APC2: variants seen among roughly 807,000 people sequenced by gnomAD.
APC2 encodes the protein adenomatous polyposis coli protein 2.
In APC2, 41 loss-of-function variants were observed where a neutral mutation model predicts 72.5. That is an observed-to-expected ratio of 0.57 (90% CI 0.44 to 0.73). The LOEUF (loss-of-function observed/expected upper bound fraction) is 0.73. Among genes scored for constraint, APC2 ranks in the 30% least tolerant of loss-of-function variants. The probability of loss-of-function intolerance (pLI) is 0.00; values close to 1 mark genes in which losing one functional copy is unlikely to be tolerated. For synonymous variants in APC2, 1,898 were observed against 1,612.0 expected, an observed-to-expected ratio of 1.18 and a Z score of -4.25; for missense variants, 3,729 against 3,403.4, an observed-to-expected ratio of 1.10 and a Z score of -2.38.
chr19:1,450,109 C>G (rs2083725273), upstream of APC2: 2 of 981,910 alleles, frequency 2.0e-6, no homozygotes, highest in African/African-American at 3.5e-5. Context: ...CATCCCGCAT[C>G]CTCCCCCGCT....
chr19:1,457,958 C>A lies in APC2; in HGVS notation c.1208-7C>A. The A allele has an allele frequency of 6.5e-7, 1 of 1,548,028 alleles. No individual in the cohort carries two copies. The highest frequency in any genetic ancestry group is 8.7e-7 in the Non-Finnish European group (1 of 1,147,752). ...TGGGGGCTCTGATCTGGTCCCTGTG[C>A]CCACAGCCCCGATCCCCATCGAGCC... On this transcript the variant is annotated splice_polypyrimidine_tract_variant and splice_region_variant and intron_variant, in intron 9 of 14. Transcript: ENST00000590469.
At chr19:1,457,919 A>T (rs946348456) in intron 9 of APC2, 46 bp from the exon 10 acceptor site, 2 of 1,386,872 alleles carry the variant, frequency 1.4e-6, no homozygotes, top group African/African-American at 3.8e-5. Flanking sequence ...GTCACCTGGG[A>T]CATTTCCTGG....
chr19:1,446,958 G>A (rs574979174), upstream of APC2, among the ~76,000 whole-genome samples: 1 of 152,268 alleles, frequency 6.6e-6, no homozygotes, highest in Non-Finnish European at 1.5e-5. This position sits in a 1 kb window ranked among gnomAD's most constrained non-coding sequence, Gnocchi z 6.1. Context: ...GTCACGCTTC[G>A]AGGCCGGAGC....
Position 1,468,523 on chromosome 19 carries a change from C to A in APC2, c.5222C>A (p.Ala1741Glu). The A allele has an allele frequency of 6.2e-7, 1 of 1,602,428 alleles. No homozygotes were observed. Among genetic ancestry groups the A allele is most frequent in the Non-Finnish European group, 8.5e-7 (1 of 1,173,940 alleles). The change falls in exon 15 of 15, where the codon GCG becomes GAG. Residue 1741 changes from alanine (A) to glutamate (E), a missense_variant. Coordinates refer to ENST00000590469, the MANE Select transcript of APC2 (RefSeq NM_005883.3). ...CCCAAGCACAGGAAGGGACGACAGGCGGAGGGAGAAATGGGCAGTGCCCGG... is the reference window on the plus strand; with the variant it reads ...CCCAAGCACAGGAAGGGACGACAGGAGGAGGGAGAAATGGGCAGTGCCCGG... ...QPPKHRKGRQ[A>E]EGEMGSARRP...
In APC2 at chr19:1,466,404, C is replaced by G; in HGVS notation, c.3103C>G (p.His1035Asp). The change falls in exon 15 of 15, where the codon CAC (histidine) becomes GAC (aspartate). Residue 1035 changes from histidine to aspartate, a missense_variant. Physicochemically the swap from His to Asp is moderately conservative, Grantham distance 81. Coordinates refer to ENST00000590469, the MANE Select transcript of APC2 (RefSeq NM_005883.3). ...GAAGCAGGCCTGGCTGCCGGCAGAC[C>G]ACCTGAGCAAGGTTCCCGAGAAGCT... ...ARKQAWLPADHLSKVPEKLAA... is the reference protein window; with the variant it reads ...ARKQAWLPADDLSKVPEKLAA... The G allele has an allele frequency of 6.3e-7, 1 of 1,594,562 alleles. No individual in the cohort carries two copies. Among genetic ancestry groups the G allele is most frequent in the Non-Finnish European group, 8.5e-7 (1 of 1,176,488 alleles).
upstream of APC2, among the ~76,000 whole-genome samples, chr19:1,448,372 C>G (rs1204652707): frequency 6.6e-6 from 1 of 151,994 alleles, no homozygotes; most frequent in Admixed American, 6.6e-5. Context: ...CACGGTGAAA[C>G]CCCCTCTCTA....
In APC2 at chr19:1,456,362, C is replaced by T. The variant is rs1292298197; in HGVS notation, c.774C>T (p.Pro258=). 1.4e-5 allele frequency: 22 copies of T among 1,609,086 alleles called. No homozygotes were observed. Among genetic ancestry groups the T allele is most frequent in the Non-Finnish European group, 1.8e-5 (21 of 1,178,658 alleles). The change falls in exon 8 of 15, where the codon CCC becomes CCT. Residue 258 remains proline (P), a synonymous_variant. Coordinates refer to ENST00000590469, the MANE Select transcript of APC2 (RefSeq NM_005883.3). The stretch of plus-strand genomic sequence containing the variant: ...ACGAGGACCCCGAGACAGAGGTCCC[C>T]ACACACCCTGAGGATGGCACCCCTC... ...PVDEDPETEV[P]THPEDGTPQP...
In APC2 at chr19:1,457,263, G is replaced by C; in HGVS notation, c.1207+20G>C. 3 of 1,497,712 alleles carry C rather than the reference G, an allele frequency of 2.0e-6. No individual in the cohort carries two copies. The highest frequency in any genetic ancestry group is 2.7e-6 in the Non-Finnish European group (3 of 1,129,890). The allele number at this position is 1,497,712 out of a possible 1,614,324, so 92.8% of individuals were successfully genotyped here. ...GCAGCGGTGAGTGCCTGGCCTGGTG[G>C]GCCCCCTCCGCGCAATTAACGTGCA... On this transcript the variant is annotated intron_variant, in intron 9 of 14. Coordinates refer to ENST00000590469, the MANE Select transcript of APC2 (RefSeq NM_005883.3).
chr19:1,455,460 A>G lies in APC2; in HGVS notation c.599A>G (p.Glu200Gly). The change falls in exon 6 of 15, where the codon GAG (glutamate) becomes GGG (glycine). Residue 200 changes from glutamate to glycine, a missense_variant. Coordinates refer to ENST00000590469, the MANE Select transcript of APC2 (RefSeq NM_005883.3). Reference protein sequence around the residue: ...EAQHIRSLMEERFGTSDEMVQ... With the variant: ...EAQHIRSLMEGRFGTSDEMVQ... Reference sequence around the variant, plus strand: ...CAGCACATCCGCTCGCTGATGGAGGAGCGCTTCGGCACCTCGGACGAGATG... The same window carrying G: ...CAGCACATCCGCTCGCTGATGGAGGGGCGCTTCGGCACCTCGGACGAGATG... The G allele has an allele frequency of 1.2e-6, 2 of 1,605,712 alleles. No homozygotes were observed. Among genetic ancestry groups the G allele is most frequent in the Non-Finnish European group, 8.5e-7 (1 of 1,176,650 alleles).
In APC2 at chr19:1,466,631, G is replaced by A; in HGVS notation, c.3330G>A (p.Leu1110=). The change falls in exon 15 of 15, where the codon CTG becomes CTA. Residue 1110 remains leucine (L), a synonymous_variant. Transcript: ENST00000590469. ...LEEAGPSEAE[L]DSTWRAPGAT... ...AGGCCGGCCCCAGCGAGGCTGAGCT[G>A]GACAGCACGTGGCGGGCGCCCGGGG... is the stretch of plus-strand genomic sequence containing the variant. 1 of 1,511,448 alleles carries A rather than the reference G, an allele frequency of 6.6e-7. No individual in the cohort carries two copies. 93.6% of individuals were successfully genotyped at this position (1,511,448 alleles called of 1,614,324 possible).
chr19:1,448,638 G>T (rs1461821776), upstream of APC2, among the ~76,000 whole-genome samples: 1 of 151,604 alleles, frequency 6.6e-6, no homozygotes, highest in Non-Finnish European at 1.5e-5. Context: ...GAGGTCAGGA[G>T]ATCGAGACCA....
At chr19:1,455,545 G>A in intron 6 of APC2, 45 bp downstream of exon 6, 1 of 1,538,062 alleles carries the variant, frequency 6.5e-7, no homozygotes, top group Non-Finnish European at 8.9e-7. Flanking sequence ...GGGGCCCTGC[G>A]CCAGTGGGCA....
rs1306834255 is a variant in APC2, at chr19:1,456,895, G to A, written c.859G>A (p.Asp287Asn). The A allele has an allele frequency of 1.3e-6, 2 of 1,589,818 alleles. No homozygotes were observed. The highest frequency in any genetic ancestry group is 1.7e-6 in the Non-Finnish European group (2 of 1,175,066). ...GCTGTTGTCCATGTTGGCGACGCGC[G>A]ACCAGGAGGATACAGCGCGCACGCT... ...FWLLSMLATR[D>N]QEDTARTLLA... Residue 287 changes from aspartate (D) to asparagine (N), a missense_variant, in exon 9 of 15, where the codon GAC becomes AAC. Coordinates refer to ENST00000590469, the MANE Select transcript of APC2 (RefSeq NM_005883.3).
intron 14 of APC2, among the ~76,000 whole-genome samples, chr19:1,463,350 G>C (rs1041900169): frequency 1.3e-5 from 2 of 151,428 alleles, no homozygotes; most frequent in African/African-American, 4.9e-5. Flanking sequence ...CCCGGGAGGC[G>C]GAGGCTGCAG....
intron 14 of APC2, among the ~76,000 whole-genome samples, chr19:1,463,083 C>T (rs947192876): frequency 6.6e-6 from 1 of 151,910 alleles, no homozygotes; most frequent in Non-Finnish European, 1.5e-5. Flanking sequence ...CAAGATCAGC[C>T]TGACCAACAT....
Position 1,469,153 on chromosome 19 carries a change from CG to C in APC2, c.5855del (p.Gly1952AlafsTer44). The C allele has an allele frequency of 7.8e-7, 1 of 1,284,984 alleles. No individual in the cohort carries two copies. 79.6% of individuals were successfully genotyped at this position (1,284,984 alleles called of 1,614,324 possible). ...PPPLARAVPE[P>X]GPRGRAGTEA... is the part of the protein sequence containing the mutation. Reference sequence around the variant, plus strand: ...CCGCTGGCTCGGGCAGTCCCGGAGCCGGGCCCCAGGGGCCGGGCGGGGACCG... The same window carrying C: ...CCGCTGGCTCGGGCAGTCCCGGAGCCGGCCCCAGGGGCCGGGCGGGGACCG... On this transcript the variant is annotated frameshift_variant, in exon 15 of 15. Coordinates refer to ENST00000590469, the MANE Select transcript of APC2 (RefSeq NM_005883.3). LOFTEE classifies it low-confidence loss of function (END_TRUNC).
intron 11 of APC2, 28 bp from the exon 12 acceptor site, chr19:1,460,752 G>C (rs371471510): frequency 6.2e-7 from 1 of 1,607,070 alleles, no homozygotes; most frequent in South Asian, 1.1e-5. Context: ...TCCCAACCCC[G>C]TGACCCCGGC....
chr19:1,469,001 G>C lies in APC2; in HGVS notation c.5700G>C (p.Leu1900=). The change falls in exon 15 of 15, where the codon CTG becomes CTC. Residue 1900 remains leucine, a synonymous_variant. Coordinates refer to ENST00000590469, the MANE Select transcript of APC2 (RefSeq NM_005883.3). ...RPPVTQAAGA[L]PGPGASPVPK... is the part of the protein sequence containing the mutation. The stretch of plus-strand genomic sequence containing the variant: ...CGGTCACCCAGGCTGCTGGGGCCCT[G>C]CCCGGCCCCGGAGCCTCCCCGGTGC... 5 of 1,555,460 alleles carry C rather than the reference G, an allele frequency of 3.2e-6. No individual in the cohort carries two copies. In the South Asian group the frequency reaches 4.8e-5, roughly 15 times the overall value.
rs1266589241 is a variant in APC2, at chr19:1,468,105, C to T, written c.4804C>T (p.Arg1602Trp). 2.6e-6 allele frequency: 4 copies of T among 1,523,586 alleles called. No homozygotes were observed. The highest frequency in any genetic ancestry group is 4.0e-5 in the Admixed American group (2 of 50,508). 94.4% of individuals were successfully genotyped at this position (1,523,586 alleles called of 1,614,324 possible). A position where few individuals can be genotyped will look rare whatever the true frequency, so the allele number is the denominator to read the frequency against. Residue 1602 changes from arginine to tryptophan, a missense_variant, in exon 15 of 15, where the codon CGG becomes TGG. Physicochemically the swap from Arg to Trp is moderately radical, Grantham distance 101. Transcript: ENST00000590469. ...GCCGCCGGCCGTCCATCCACGAGGCCGGGAGCCCGCGGTCACCAAGGACCC... is the reference window on the plus strand; with the variant it reads ...GCCGCCGGCCGTCCATCCACGAGGCTGGGAGCCCGCGGTCACCAAGGACCC... ...SEPPAVHPRG[R>W]EPAVTKDPGP...
Sources: gnomAD v4.1 joint callset for allele counts (sites outside exome capture counted in the v4.1 genomes callset) on GRCh38, gnomAD v4.1.1 for gene constraint, Gnocchi (gnomAD v3.1) non-coding constraint, MANE v1.5 for transcripts, NCBI Gene and HGNC (gene_info 2026-07-23, HGNC 2026-07-21) for gene names.